DOCK5: variants seen among roughly 807,000 people sequenced by gnomAD.
The protein encoded by DOCK5 is dedicator of cytokinesis 5, also known as dedicator of cytokinesis protein 5.
A neutral mutation model predicts 251.8 loss-of-function variants in DOCK5; 142 were observed. The observed-to-expected ratio is 0.56, with a 90% CI of 0.49 to 0.65. The LOEUF is 0.65. DOCK5 is among the 30% of genes least tolerant of loss of function. The pLI is 0.00. For synonymous variants in DOCK5, 842 were observed against 835.5 expected (o/e 1.01, Z -0.13); for missense variants, 2,111 against 2,312.3 (o/e 0.91, Z 1.79).
At chr8:25,384,663 T>C (rs2117308507) in intron 40 of DOCK5, among the ~76,000 whole-genome samples, 1 of 152,042 alleles carries the variant, frequency 6.6e-6, no homozygotes, top group Admixed American at 6.5e-5. Flanking sequence ...TTTCACCATG[T>C]TGGCCAGGCT....
At chr8:25,329,985 G>A (rs930292126) in intron 18 of DOCK5, among the ~76,000 whole-genome samples, 1 of 152,200 alleles carries the variant, frequency 6.6e-6, no homozygotes, top group Non-Finnish European at 1.5e-5. Flanking sequence ...TCCTATGTGA[G>A]CAGTGATCTG....
In DOCK5 at chr8:25,317,260, A is replaced by C. The variant is rs1313077050; in HGVS notation, c.1443+129A>C. The C allele has an allele frequency of 2.8e-6, 4 of 1,422,404 alleles. No homozygotes were observed. In the East Asian group the frequency reaches 9.3e-5, roughly 33 times the overall value. 88.1% of individuals were successfully genotyped at this position (1,422,404 alleles called of 1,614,324 possible). A position where few individuals can be genotyped will look rare whatever the true frequency, so the allele number is the denominator to read the frequency against. ...GATTTTTCCTGAGAAAAGAAATATAAAGCCTGTTAAATTTGTGATTAGCAG... is the reference window on the plus strand; with the variant it reads ...GATTTTTCCTGAGAAAAGAAATATACAGCCTGTTAAATTTGTGATTAGCAG... On this transcript the variant is annotated intron_variant, in intron 14 of 51. Coordinates refer to ENST00000276440, the MANE Select transcript of DOCK5 (RefSeq NM_024940.8).
In DOCK5 at chr8:25,296,510, C is replaced by T. The variant is rs961450354; in HGVS notation, c.471-3C>T. The T allele has an allele frequency of 6.2e-7, 1 of 1,607,304 alleles. No individual in the cohort carries two copies. The highest frequency in any genetic ancestry group is 1.1e-5 in the South Asian group (1 of 89,516). Reference sequence around the variant, plus strand: ...AACCAGCTGACTACTCCTTTCTCTCCAGAATGCTGGGGTTAGATCTGGTGG... The same window carrying T: ...AACCAGCTGACTACTCCTTTCTCTCTAGAATGCTGGGGTTAGATCTGGTGG... On this transcript the variant is annotated splice_region_variant and splice_polypyrimidine_tract_variant and intron_variant, in intron 6 of 51. Coordinates refer to ENST00000276440, the MANE Select transcript of DOCK5 (RefSeq NM_024940.8).
intron 5 of DOCK5, among the ~76,000 whole-genome samples, chr8:25,280,944 G>A (rs1410160677): frequency 2.6e-5 from 4 of 151,282 alleles, no homozygotes; most frequent in African/African-American, 9.7e-5. Context: ...GTGTTGAAAT[G>A]CATTAGATAA....
intron 39 of DOCK5, 89 bp downstream of exon 39, chr8:25,380,483 T>G: frequency 8.9e-7 from 1 of 1,117,846 alleles, no homozygotes; most frequent in South Asian, 1.4e-5. Flanking sequence ...AAAGTCAGGA[T>G]GAATGGTGTT....
At chr8:25,292,272 C>G (rs1211214297) in intron 6 of DOCK5, 100 bp downstream of exon 6, 1 of 1,310,674 alleles carries the variant, frequency 7.6e-7, no homozygotes, top group East Asian at 2.6e-5. Flanking sequence ...CTTAGAGTTG[C>G]CAAAGAATAA....
At chr8:25,225,654 C>T (rs908964585) in intron 1 of DOCK5, among the ~76,000 whole-genome samples, 5 of 149,732 alleles carry the variant, frequency 3.3e-5, no homozygotes, top group South Asian at 2.1e-4. Flanking sequence ...TGCAGTGAGC[C>T]GAGATCTCGT....
At chr8:25,286,180 A>G (rs1347917565) in intron 5 of DOCK5, among the ~76,000 whole-genome samples, 1 of 152,142 alleles carries the variant, frequency 6.6e-6, no homozygotes, top group Non-Finnish European at 1.5e-5. Context: ...AGAAGGACCC[A>G]AACACCCCAT....
At chr8:25,398,868 C>T in intron 45 of DOCK5, among the ~76,000 whole-genome samples, 1 of 132,600 alleles carries the variant, frequency 7.5e-6, no homozygotes, top group East Asian at 2.2e-4. Context: ...AGGACTTCAG[C>T]ATAGGAATTT....
chr8:25,304,553 C>G (rs555149549), intron 11 of DOCK5: 37 of 464,624 alleles, frequency 8.0e-5, no homozygotes, highest in Admixed American at 6.4e-4. Flanking sequence ...TAGAAAGCAT[C>G]AAAGGAATAT....
At chr8:25,297,220 G>A (rs1036261568) in intron 7 of DOCK5, among the ~76,000 whole-genome samples, 17 of 151,288 alleles carry the variant, frequency 1.1e-4, no homozygotes, top group African/African-American at 3.9e-4. Context: ...TCAGCCTCCC[G>A]AGTAGCTGGG....
intron 1 of DOCK5, among the ~76,000 whole-genome samples, chr8:25,224,471 T>C (rs564132195): frequency 6.6e-6 from 1 of 152,338 alleles, no homozygotes; most frequent in African/African-American, 2.4e-5. Context: ...TTTCACTATG[T>C]GGCATATATT....
chr8:25,315,319 C>T (rs1273482719), intron 13 of DOCK5, among the ~76,000 whole-genome samples: 1 of 151,904 alleles, frequency 6.6e-6, no homozygotes, highest in East Asian at 2.0e-4. Flanking sequence ...TTCCCATACC[C>T]TGCAGACGAG....
chr8:25,339,469 G>A (rs1805896668), intron 22 of DOCK5, among the ~76,000 whole-genome samples: 1 of 152,186 alleles, frequency 6.6e-6, no homozygotes, highest in African/African-American at 2.4e-5. Flanking sequence ...GAGGCAAGGA[G>A]TAAAGAAATC....
At chr8:25,249,332 G>A (rs1260807598) in intron 2 of DOCK5, among the ~76,000 whole-genome samples, 2 of 152,030 alleles carry the variant, frequency 1.3e-5, no homozygotes, top group Admixed American at 1.3e-4. Flanking sequence ...TTTAATAACA[G>A]CTTTCTTGAG....
intron 21 of DOCK5, among the ~76,000 whole-genome samples, chr8:25,335,806 A>C (rs571195315): frequency 6.6e-6 from 1 of 152,222 alleles, no homozygotes; most frequent in African/African-American, 2.4e-5. Flanking sequence ...ATCTGGCTCC[A>C]TATTGATGGA....
chr8:25,238,499 C>A (rs1033055722), intron 1 of DOCK5, among the ~76,000 whole-genome samples: 3 of 152,148 alleles, frequency 2.0e-5, no homozygotes, highest in Non-Finnish European at 2.9e-5. Context: ...GTGCTTTTGC[C>A]CAGAGACATG....
chr8:25,387,186 C>CTTTTT (rs71551804), intron 40 of DOCK5, among the ~76,000 whole-genome samples: 1 of 124,648 alleles, frequency 8.0e-6, no homozygotes. Context: ...AGACCAGTGA[C>CTTTTT]TTTTTTTTTT....
chr8:25,360,985 A>T (rs1800668345), intron 28 of DOCK5, among the ~76,000 whole-genome samples: 1 of 152,136 alleles, frequency 6.6e-6, no homozygotes, highest in African/African-American at 2.4e-5. Flanking sequence ...TGGAGAAATG[A>T]GGGAACTTGC....
Sources: gnomAD v4.1 joint callset for allele counts (sites outside exome capture counted in the v4.1 genomes callset) on GRCh38, gnomAD v4.1.1 for gene constraint, MANE v1.5 for transcripts, NCBI Gene and HGNC (gene_info 2026-07-23, HGNC 2026-07-21) for gene names.